TTL: variants seen among roughly 807,000 people sequenced by gnomAD.
The protein encoded by TTL is tubulin--tyrosine ligase.
TTL carries 10 observed loss-of-function variants against 41.1 expected under a neutral mutation model. The ratio of observed to expected loss-of-function variants is 0.24; its 90% CI spans 0.15 to 0.41. The LOEUF is 0.41. Ranked by LOEUF, TTL falls within the 10% of genes least tolerant of loss-of-function variation. The probability of loss-of-function intolerance (pLI) is 1.00; values close to 1 mark genes in which losing one functional copy is unlikely to be tolerated. For synonymous variants in TTL, 175 were observed against 175.5 expected (o/e 1.00, Z 0.02); for missense variants, 367 against 460.4 (o/e 0.80, Z 1.86).
chr2:112,523,000 C>G (rs1029893958), intron 6 of TTL, among the ~76,000 whole-genome samples: 11 of 152,226 alleles, frequency 7.2e-5, no homozygotes, highest in African/African-American at 2.7e-4. Context: ...ATTCTCCAGA[C>G]TTGCCATTGC....
chr2:112,518,778 G>A (rs978071967), intron 5 of TTL, among the ~76,000 whole-genome samples: 3 of 151,460 alleles, frequency 2.0e-5, no homozygotes, highest in Admixed American at 1.3e-4. Flanking sequence ...GTGTTCAAGC[G>A]ATTCTCCTGC....
chr2:112,489,542 A>AAT (rs1192556478), intron 2 of TTL, among the ~76,000 whole-genome samples: 1 of 152,256 alleles, frequency 6.6e-6, no homozygotes, highest in African/African-American at 2.4e-5. Flanking sequence ...GTAAATATCA[A>AAT]ATTCAAAGAT....
Position 112,540,433 on chromosome 2 carries a change from C to CAAAAAAAAAAAAAAAA in TTL, c.*11639_*11654dup, listed in dbSNP as rs76177853. 3 of 113,834 alleles carry CAAAAAAAAAAAAAAAA rather than the reference C, an allele frequency of 2.6e-5. No homozygotes were observed. The highest frequency in any genetic ancestry group is 3.1e-5 in the African/African-American group (1 of 32,566). The allele number at this position is 113,834 out of a possible 1,614,324, so 7.1% of individuals were successfully genotyped here. A position where few individuals can be genotyped will look rare whatever the true frequency, so the allele number is the denominator to read the frequency against. On this transcript the variant is annotated 3_prime_UTR_variant, in exon 7 of 7. Coordinates refer to ENST00000233336, the MANE Select transcript of TTL (RefSeq NM_153712.5). ...AACTCTGTCTCAAAAAAACAAAAAA[C>CAAAAAAAAAAAAAAAA]AAAAAAAAAAAAAAAAGAGAAAGAA... is the stretch of plus-strand genomic sequence containing the variant.
At chr2:112,525,190 G>A (rs1682339527) in intron 6 of TTL, among the ~76,000 whole-genome samples, 1 of 152,260 alleles carries the variant, frequency 6.6e-6, no homozygotes, top group East Asian at 1.9e-4. Context: ...TTTGGTTACT[G>A]TAGCCTTGTA....
At chr2:112,495,440 C>CA (rs1285630570) in intron 3 of TTL, among the ~76,000 whole-genome samples, 6 of 152,182 alleles carry the variant, frequency 3.9e-5, no homozygotes, top group Non-Finnish European at 2.9e-5. Flanking sequence ...TGAATGAATG[C>CA]ATGTAAGGGG....
rs1005679118 is a variant in TTL, at chr2:112,536,361, A to G, written c.*7566A>G. 8 of 152,130 alleles carry G rather than the reference A, an allele frequency of 5.3e-5. No individual in the cohort carries two copies. The highest frequency in any genetic ancestry group is 2.1e-4 in the South Asian group (1 of 4,830). 9.4% of individuals were successfully genotyped at this position (152,130 alleles called of 1,614,324 possible). On this transcript the variant is annotated 3_prime_UTR_variant, in exon 7 of 7. Transcript: ENST00000233336. Reference sequence around the variant, plus strand: ...CAGCTGGGATTACAGGCATCAGCCAATGCACCTGGCAAAACACACTTTAGA... The same window carrying G: ...CAGCTGGGATTACAGGCATCAGCCAGTGCACCTGGCAAAACACACTTTAGA...
intron 5 of TTL, among the ~76,000 whole-genome samples, chr2:112,510,721 G>A (rs75331114): frequency 2.6e-5 from 4 of 152,284 alleles, no homozygotes; most frequent in East Asian, 3.9e-4. Flanking sequence ...ATAAAAGCAT[G>A]TCTCAGTTTC....
In TTL at chr2:112,485,841, C is replaced by T. The variant is rs1681225359; in HGVS notation, c.158-76C>T. On this transcript the variant is annotated intron_variant, in intron 1 of 6. Transcript: ENST00000233336. The stretch of plus-strand genomic sequence containing the variant: ...AATCCTGAGATGAGAGAGAGAAAAG[C>T]TGGGCATGACACAGCTGTCCTCTCT... 2.3e-6 allele frequency: 3 copies of T among 1,314,854 alleles called. No homozygotes were observed. The Admixed American group carries it at 6.3e-5, about 28-fold the overall frequency. 81.4% of individuals were successfully genotyped at this position (1,314,854 alleles called of 1,614,324 possible).
Position 112,528,703 on chromosome 2 carries a change from C to G in TTL, c.1042C>G (p.Gln348Glu), listed in dbSNP as rs1405752029. The G allele has an allele frequency of 1.2e-6, 2 of 1,614,076 alleles. No homozygotes were observed. The highest frequency in any genetic ancestry group is 2.2e-5 in the South Asian group (2 of 91,082). The part of the protein sequence containing the change: ...CAQKLYAELC[Q>E]GIVDIAISSV... The stretch of plus-strand genomic sequence containing the variant: ...CAGGAAGCTCTATGCAGAACTGTGC[C>G]AAGGCATCGTGGACATAGCCATTTC... Residue 348 changes from glutamine (Q) to glutamate (E), a missense_variant, in exon 7 of 7, where the codon CAA (glutamine) becomes GAA (glutamate). Transcript: ENST00000233336.
rs1247674316 is a variant in TTL, at chr2:112,533,969, A to T, written c.*5174A>T. 1 of 152,170 alleles carries T rather than the reference A, an allele frequency of 6.6e-6. No individual in the cohort carries two copies. 9.4% of individuals were successfully genotyped at this position (152,170 alleles called of 1,614,324 possible). A position where few individuals can be genotyped will look rare whatever the true frequency, so the allele number is the denominator to read the frequency against. On this transcript the variant is annotated 3_prime_UTR_variant, in exon 7 of 7. Coordinates refer to ENST00000233336, the MANE Select transcript of TTL (RefSeq NM_153712.5). ...GCATAATAGAGTAACAACCTCTGAA[A>T]ACCCTCTCTTCCATAAAAGCAATGA...
intron 6 of TTL, among the ~76,000 whole-genome samples, chr2:112,520,896 C>T (rs984297869): frequency 6.6e-6 from 1 of 152,096 alleles, no homozygotes; most frequent in Non-Finnish European, 1.5e-5. Flanking sequence ...GCAGCCTGGG[C>T]GACAGAGAGA....
Position 112,498,702 on chromosome 2 carries a change from G to A in TTL, c.470-2504G>A, listed in dbSNP as rs536274527. 3.9e-5 allele frequency among the ~76,000 whole-genome samples: 6 copies of A among 152,110 alleles called. No individual in the cohort carries two copies. The Middle Eastern group carries it at 0.017, about 431-fold the overall frequency. ...GTGGATCACCGGAGGTCAGGAGTTC[G>A]AGACCAGGCTGGCCAACATGGTGAA... On this transcript the variant is annotated intron_variant, in intron 3 of 6. Transcript: ENST00000233336.
intron 6 of TTL, 123 bp from the exon 7 acceptor site, chr2:112,528,558 C>A: frequency 2.7e-6 from 2 of 732,980 alleles, no homozygotes; most frequent in Non-Finnish European, 4.7e-6. Flanking sequence ...GTACCATGAT[C>A]GCACCACTGC....
At position 112,482,473 on chromosome 2, in the gene TTL, G is replaced by C. The variant is rs1574049804; in HGVS notation, c.129G>C (p.Glu43Asp). ...CCAGATTCAACCTGATGCTGGGAGA[G>C]AGGAATCGGCTGCCCTTCGGGAGAC... ...DNPRFNLMLGERNRLPFGRLG... is the reference protein window; with the variant it reads ...DNPRFNLMLGDRNRLPFGRLG... Residue 43 changes from glutamate (E) to aspartate (D), a missense_variant, in exon 1 of 7, where the codon GAG (glutamate) becomes GAC (aspartate). Coordinates refer to ENST00000233336, the MANE Select transcript of TTL (RefSeq NM_153712.5). This position sits in a 1 kb window ranked among gnomAD's most constrained non-coding sequence, Gnocchi z 5.3. The C allele has an allele frequency of 2.6e-5, 42 of 1,611,138 alleles. No homozygotes were observed. Among genetic ancestry groups the C allele is most frequent in the Non-Finnish European group, 3.6e-5 (42 of 1,178,764 alleles).
chr2:112,500,108 A>C (rs1025538707), intron 3 of TTL, among the ~76,000 whole-genome samples: 4 of 152,214 alleles, frequency 2.6e-5, no homozygotes, highest in African/African-American at 7.2e-5. Flanking sequence ...AATTAGACAC[A>C]AAAGGCCACA....
chr2:112,509,448 T>C (rs1342671674), intron 5 of TTL, among the ~76,000 whole-genome samples: 2 of 152,206 alleles, frequency 1.3e-5, no homozygotes, highest in Non-Finnish European at 2.9e-5. Flanking sequence ...CTCAGACTGC[T>C]GTGCTAGCAA....
chr2:112,515,454 AAGT>A (rs3980070), intron 5 of TTL, among the ~76,000 whole-genome samples: 36,633 of 151,968 alleles, frequency 0.24, 4,600 homozygotes, highest in African/African-American at 0.32. Flanking sequence ...ATATGCCTGG[AAGT>A]AGTATTTTAG....
chr2:112,530,943 TAAATTTAAATA>T lies in TTL; in HGVS notation c.*2151_*2161del, dbSNP rs2104482343. 5.7e-6 allele frequency: 1 copy of T among 176,736 alleles called. No homozygotes were observed. The highest frequency in any genetic ancestry group is 1.0e-4 in the East Asian group (1 of 9,942). 10.9% of individuals were successfully genotyped at this position (176,736 alleles called of 1,614,324 possible). A position where few individuals can be genotyped will look rare whatever the true frequency, so the allele number is the denominator to read the frequency against. On this transcript the variant is annotated 3_prime_UTR_variant, in exon 7 of 7. Transcript: ENST00000233336. The stretch of plus-strand genomic sequence containing the variant: ...TTAAAATTTGATTTTAAATTTCAAA[TAAATTTAAATA>T]AATTTTAAATAAATTTTAAATAAAA...
chr2:112,488,601 T>TA (rs1681301965), intron 2 of TTL, among the ~76,000 whole-genome samples: 2 of 151,602 alleles, frequency 1.3e-5, no homozygotes, highest in Middle Eastern at 3.4e-3. Context: ...CTACTAAAAA[T>TA]ACAAAAATTA....
Sources: allele counts gnomAD v4.1 joint callset (sites outside exome capture counted in the v4.1 genomes callset), GRCh38; gene constraint gnomAD v4.1.1; non-coding constraint Gnocchi (gnomAD v3.1); transcripts MANE v1.5; gene names NCBI Gene and HGNC (gene_info 2026-07-23, HGNC 2026-07-21).